Variants in MOGAT1 observed in about 807,000 individuals in gnomAD.
MOGAT1 encodes 2-acylglycerol O-acyltransferase 1.
Under a neutral mutation model 31.4 loss-of-function variants are expected in MOGAT1, and 32 were observed. The ratio of observed to expected loss-of-function variants is 1.02; its 90% confidence interval spans 0.77 to 1.37. MOGAT1 has a LOEUF of 1.37. MOGAT1 is among the 40% of genes most tolerant of loss of function. The pLI is 0.00. For missense variants in MOGAT1, 426 were observed against 402.0 expected, an observed-to-expected ratio of 1.06 and a Z score of -0.51; for synonymous variants, 145 against 144.5, an observed-to-expected ratio of 1.00 and a Z score of -0.03.
chr2:222,705,864 G>T (rs1692998547), intron 5 of MOGAT1, among the ~76,000 whole-genome samples: 2 of 152,148 alleles, frequency 1.3e-5, no homozygotes. Flanking sequence ...CTGCTAATAG[G>T]CTGGTAGCTT....
chr2:222,705,912 T>C (rs1160165193), intron 5 of MOGAT1, among the ~76,000 whole-genome samples: 3 of 152,192 alleles, frequency 2.0e-5, no homozygotes, highest in Admixed American at 6.5e-5. Flanking sequence ...TTTTGAATTA[T>C]TTAGTAAAGG....
At chr2:222,686,409 C>T (rs977952389) in intron 1 of MOGAT1, among the ~76,000 whole-genome samples, 6 of 152,224 alleles carry the variant, frequency 3.9e-5, no homozygotes, top group Non-Finnish European at 8.8e-5. Context: ...TCTTTCCCTG[C>T]CCTATTTCAC....
chr2:222,671,876 C>A lies in MOGAT1; in HGVS notation c.91C>A (p.Leu31Ile), dbSNP rs745702367. ...GCAGTGGGTCCTGAAATACCTGCTG[C>A]TCGGTAAGGACCCCGCCCCCCGGGC... is the stretch of plus-strand genomic sequence containing the variant. ...VLQWVLKYLL[L>I]GPMSIGITVM... Residue 31 changes from leucine (L) to isoleucine (I), a missense_variant, in exon 1 of 6, where the codon CTC (leucine) becomes ATC (isoleucine). Leu to Ile is a conservative substitution (Grantham distance 5). Transcript: ENST00000446656. 31 of 1,550,692 alleles carry A rather than the reference C, an allele frequency of 2.0e-5. No individual in the cohort carries two copies. In the Admixed American group the frequency reaches 6.1e-4, roughly 30 times the overall value.
rs750607894 is a variant in MOGAT1, at chr2:222,671,747, A to C, written c.-39A>C. 13 of 1,507,852 alleles carry C rather than the reference A, an allele frequency of 8.6e-6. No homozygotes were observed. In the East Asian group the frequency reaches 2.7e-4, roughly 31 times the overall value. The allele number at this position is 1,507,852 out of a possible 1,614,324, so 93.4% of individuals were successfully genotyped here. A position where few individuals can be genotyped will look rare whatever the true frequency, so the allele number is the denominator to read the frequency against. On this transcript the variant is annotated 5_prime_UTR_variant, in exon 1 of 6. Coordinates refer to ENST00000446656, the MANE Select transcript of MOGAT1 (RefSeq NM_058165.3). ...AGGCGCCGCAGAGCAGCGTGGGTGC[A>C]GGCTGCAGTGGCTGGCGCCGTCCTC...
At chr2:222,681,424 A>G (rs561152255) in intron 1 of MOGAT1, among the ~76,000 whole-genome samples, 2 of 152,338 alleles carry the variant, frequency 1.3e-5, no homozygotes, top group East Asian at 3.9e-4. Flanking sequence ...ATGATAAATG[A>G]TATAGATGAT....
chr2:222,694,366 G>C lies in MOGAT1; in HGVS notation c.483G>C (p.Leu161=). ...CTTTTTGTTTTATTCACTAAGGGCT[G>C]GTTTCAGTTTCCAAGAAAAGTGTGT... ...VFREYVMSVG[L]VSVSKKSVSY... Residue 161 remains leucine, a synonymous_variant, in exon 4 of 6, where the codon CTG becomes CTC. Transcript: ENST00000446656. 1 of 1,606,600 alleles carries C rather than the reference G, an allele frequency of 6.2e-7. No homozygotes were observed. Among genetic ancestry groups the C allele is most frequent in the Non-Finnish European group, 8.5e-7 (1 of 1,176,720 alleles).
rs199884362 is a variant in MOGAT1, at chr2:222,694,509, G to A, written c.626G>A (p.Gly209Glu). The A allele has an allele frequency of 1.9e-5, 31 of 1,613,688 alleles. No homozygotes were observed. Among genetic ancestry groups the A allele is most frequent in the African/African-American group, 2.7e-5 (2 of 74,926 alleles). The change falls in exon 4 of 6, where the codon GGA (glycine) becomes GAA (glutamate). Residue 209 changes from glycine to glutamate, a missense_variant. Gly to Glu is a moderately conservative substitution (Grantham distance 98). Transcript: ENST00000446656. The stretch of plus-strand genomic sequence containing the variant: ...ACTCTGTTCATCCGCCAGCGGAAAG[G>A]ATTTGTTAAAATTGCTTTGACCCAT... Reference protein sequence around the residue: ...KFTLFIRQRKGFVKIALTHGA... With the variant: ...KFTLFIRQRKEFVKIALTHGA...
intron 5 of MOGAT1, among the ~76,000 whole-genome samples, chr2:222,709,173 C>A (rs1446716176): frequency 6.6e-6 from 1 of 152,032 alleles, no homozygotes; most frequent in East Asian, 1.9e-4. Context: ...AAAAAATTAG[C>A]CGGGCATGGT....
intron 5 of MOGAT1, among the ~76,000 whole-genome samples, chr2:222,707,049 GGGCGTGGT>G (rs1350638355): frequency 6.6e-6 from 1 of 152,072 alleles, no homozygotes; most frequent in Admixed American, 6.6e-5. Flanking sequence ...AAAGTTGGCT[GGGCGTGGT>G]GGCACATGCC....
chr2:222,706,295 A>G (rs1481034242), intron 5 of MOGAT1, among the ~76,000 whole-genome samples: 1 of 152,104 alleles, frequency 6.6e-6, no homozygotes, highest in Non-Finnish European at 1.5e-5. Context: ...CAACATGACG[A>G]AACTCTGTCT....
intron 5 of MOGAT1, chr2:222,699,098 G>A (rs929370117): frequency 6.7e-6 from 1 of 150,168 alleles, no homozygotes; most frequent in African/African-American, 2.5e-5. Flanking sequence ...CGGCCTCCCA[G>A]GTTCAAGCAA....
intron 5 of MOGAT1, among the ~76,000 whole-genome samples, chr2:222,708,659 G>A (rs1237229177): frequency 2.0e-5 from 3 of 152,058 alleles, no homozygotes; most frequent in Admixed American, 2.0e-4. Flanking sequence ...TACCAAAAAG[G>A]AACTTTTATG....
chr2:222,688,153 C>T (rs189166229), intron 1 of MOGAT1, among the ~76,000 whole-genome samples, 191 bp from the exon 2 acceptor site: 25 of 152,242 alleles, frequency 1.6e-4, no homozygotes, highest in African/African-American at 4.8e-4. Context: ...GTCCATAACA[C>T]GATGCTTGGC....
At chr2:222,671,920 T>C (rs1260084177) in intron 1 of MOGAT1, 41 bp downstream of exon 1, 1 of 1,467,436 alleles carries the variant, frequency 6.8e-7, no homozygotes, top group Middle Eastern at 1.7e-4. Flanking sequence ...TTGGGCTCCA[T>C]ATCCTCCCTC....
At chr2:222,679,553 T>C (rs1455152485) in intron 1 of MOGAT1, among the ~76,000 whole-genome samples, 3 of 152,220 alleles carry the variant, frequency 2.0e-5, no homozygotes, top group Non-Finnish European at 4.4e-5. Flanking sequence ...AACATTTCTC[T>C]TCCACAGCCA....
chr2:222,687,522 T>C (rs957117245), intron 1 of MOGAT1, among the ~76,000 whole-genome samples: 2 of 152,250 alleles, frequency 1.3e-5, no homozygotes, highest in Non-Finnish European at 2.9e-5. Context: ...ATTTAAAAAA[T>C]GTATAGCTGA....
intron 1 of MOGAT1, among the ~76,000 whole-genome samples, chr2:222,686,374 T>A (rs1692668872): frequency 6.6e-6 from 1 of 152,240 alleles, no homozygotes. Context: ...CAGTGAAGGA[T>A]AATCGTTCTC....
intron 5 of MOGAT1, among the ~76,000 whole-genome samples, chr2:222,707,647 T>C (rs1693026143): frequency 6.6e-6 from 1 of 152,212 alleles, no homozygotes; most frequent in Admixed American, 6.5e-5. Flanking sequence ...GTTCTTTGTG[T>C]TGAGTTAAAC....
chr2:222,701,683 G>A (rs1296526186), intron 5 of MOGAT1, among the ~76,000 whole-genome samples: 1 of 150,254 alleles, frequency 6.7e-6, no homozygotes, highest in Non-Finnish European at 1.5e-5. Context: ...GAAAAGAGGG[G>A]TGGGCATGGG....
Sources: gnomAD v4.1 joint callset for allele counts (sites outside exome capture counted in the v4.1 genomes callset) on GRCh38, gnomAD v4.1.1 for gene constraint, MANE v1.5 for transcripts, NCBI Gene and HGNC (gene_info 2026-07-23, HGNC 2026-07-21) for gene names.